The following EDARADD variants were observed in gnomAD, a reference collection of about 807,000 sequenced individuals.
EDARADD encodes EDAR associated via death domain, also known as ectodysplasin-A receptor-associated adapter protein.
In EDARADD, 20 loss-of-function variants were observed where a neutral mutation model predicts 25.6. That is an observed-to-expected ratio of 0.78 (90% CI 0.55 to 1.14). EDARADD has a LOEUF of 1.14. Ranked by LOEUF, EDARADD falls within the 50% of genes most tolerant of loss-of-function variation. The pLI, the probability that EDARADD is intolerant of heterozygous loss-of-function variation, is 0.00. For synonymous variants in EDARADD, 86 were observed against 94.4 expected (o/e 0.91, Z 0.52); for missense variants, 225 against 270.1 (o/e 0.83, Z 1.17).
At chr1:236,381,854 AGGCTG>A (rs1227206820) in intron 3 of EDARADD, among the ~76,000 whole-genome samples, 1 of 90,716 alleles carries the variant, frequency 1.1e-5, no homozygotes, top group Non-Finnish European at 2.0e-5. Flanking sequence ...TATGTTGCTC[AGGCTG>A]GCCTGAAACT....
chr1:236,427,319 T>C, intron 3 of EDARADD, 73 bp from the exon 4 acceptor site: 1 of 1,467,962 alleles, frequency 6.8e-7, no homozygotes, highest in South Asian at 1.2e-5. Flanking sequence ...TAATTTTAGG[T>C]CTTACACCAC....
Position 236,456,145 on chromosome 1 carries a change from G to A in EDARADD, c.220-12086G>A, listed in dbSNP as rs562387407. On this transcript the variant is annotated intron_variant, in intron 4 of 5. Coordinates refer to ENST00000334232, the MANE Select transcript of EDARADD (RefSeq NM_145861.4). Reference sequence around the variant, plus strand: ...CGCCCAGGCTGGCGTGCAGTGGCGCGATCTCTGCTTACTGCAGTCTCCGTC... The same window carrying A: ...CGCCCAGGCTGGCGTGCAGTGGCGCAATCTCTGCTTACTGCAGTCTCCGTC... Among the ~76,000 whole-genome samples, 134 of 152,252 alleles carry A rather than the reference G, an allele frequency of 8.8e-4. 1 individual carries two copies. Among genetic ancestry groups the A allele is most frequent in the African/African-American group, 2.9e-3 (121 of 41,534 alleles).
chr1:236,438,977 T>C (rs1658334866), intron 4 of EDARADD, among the ~76,000 whole-genome samples: 2 of 152,248 alleles, frequency 1.3e-5, no homozygotes, highest in Admixed American at 1.3e-4. Context: ...TTCGCTGCCC[T>C]AAAAATCCTC....
chr1:236,483,427 A>C lies in EDARADD; in HGVS notation c.*778A>C. The C allele has an allele frequency of 8.8e-7, 1 of 1,137,064 alleles. No individual in the cohort carries two copies. The highest frequency in any genetic ancestry group is 1.3e-6 in the Non-Finnish European group (1 of 747,642). 70.4% of individuals were successfully genotyped at this position (1,137,064 alleles called of 1,614,324 possible). ...AAGAAACTGAACGTCACAGAACAAG[A>C]GAAGATTGACAAACTTATGATAGAG... is the stretch of plus-strand genomic sequence containing the variant. On this transcript the variant is annotated 3_prime_UTR_variant, in exon 6 of 6. Coordinates refer to ENST00000334232, the MANE Select transcript of EDARADD (RefSeq NM_145861.4).
At chr1:236,472,031 A>G (rs766574838) in intron 5 of EDARADD, among the ~76,000 whole-genome samples, 1 of 152,158 alleles carries the variant, frequency 6.6e-6, no homozygotes, top group Non-Finnish European at 1.5e-5. Flanking sequence ...TTTTTTTACA[A>G]TTGTTTTAAA....
At chr1:236,472,271 G>T (rs1659378844) in intron 5 of EDARADD, among the ~76,000 whole-genome samples, 1 of 152,094 alleles carries the variant, frequency 6.6e-6, no homozygotes, top group Admixed American at 6.6e-5. Context: ...TCTAATTTTG[G>T]CAGGCGCTCC....
chr1:236,385,740 G>A (rs1667345428), intron 3 of EDARADD, among the ~76,000 whole-genome samples: 2 of 151,800 alleles, frequency 1.3e-5, no homozygotes, highest in African/African-American at 4.8e-5. Context: ...AAAAAAGAAA[G>A]CTCTTCCTTT....
chr1:236,357,745 G>T (rs1409380980), intron 3 of EDARADD, among the ~76,000 whole-genome samples: 3 of 152,014 alleles, frequency 2.0e-5, no homozygotes, highest in Non-Finnish European at 4.4e-5. Flanking sequence ...TGAGGGATCT[G>T]CCCCAGTGAC....
chr1:236,454,430 A>C (rs1365274080), intron 4 of EDARADD, among the ~76,000 whole-genome samples: 2 of 152,078 alleles, frequency 1.3e-5, no homozygotes, highest in African/African-American at 4.8e-5. Flanking sequence ...AGAGAGCTGG[A>C]TTCCTCCTTC....
At chr1:236,429,184 C>CAGAGGGAGAGGG in intron 4 of EDARADD, among the ~76,000 whole-genome samples, 1 of 147,446 alleles carries the variant, frequency 6.8e-6, no homozygotes, top group Admixed American at 6.8e-5. Context: ...GGAGACTGTG[C>CAGAGGGAGAGGG]AGAGGGAGAG....
At chr1:236,414,931 G>C (rs1238815371) in intron 3 of EDARADD, among the ~76,000 whole-genome samples, 14 of 152,176 alleles carry the variant, frequency 9.2e-5, no homozygotes, top group Non-Finnish European at 1.5e-5. Flanking sequence ...CTGCATCCAA[G>C]CATCTAAGTG....
chr1:236,457,147 T>C (rs1429846541), intron 4 of EDARADD, among the ~76,000 whole-genome samples: 6 of 152,230 alleles, frequency 3.9e-5, no homozygotes, highest in Non-Finnish European at 8.8e-5. Flanking sequence ...TGATTTGATG[T>C]GGTCTGTTAA....
At chr1:236,467,449 C>CACACACAT (rs1553270579) in intron 4 of EDARADD, among the ~76,000 whole-genome samples, 90 of 151,568 alleles carry the variant, frequency 5.9e-4, no homozygotes, top group South Asian at 1.3e-3. Flanking sequence ...CACACACACA[C>CACACACAT]ACACACATAC....
chr1:236,349,526 A>T (rs1572104112), intron 2 of EDARADD, among the ~76,000 whole-genome samples: 1 of 148,262 alleles, frequency 6.7e-6, no homozygotes, highest in South Asian at 2.1e-4. Context: ...AGGCGGGACA[A>T]CTCAAAGCGG....
chr1:236,389,693 T>A (rs1244637698), upstream of EDARADD, among the ~76,000 whole-genome samples: 2 of 152,144 alleles, frequency 1.3e-5, no homozygotes, highest in African/African-American at 4.8e-5. Flanking sequence ...GACTCCTGTA[T>A]AATAATGAAT....
intron 3 of EDARADD, among the ~76,000 whole-genome samples, chr1:236,358,500 G>A (rs1419931355): frequency 6.6e-6 from 1 of 152,158 alleles, no homozygotes; most frequent in Non-Finnish European, 1.5e-5. Flanking sequence ...AATTTGATGT[G>A]GGCATTTAGT....
intron 3 of EDARADD, among the ~76,000 whole-genome samples, chr1:236,358,256 T>C (rs626061): frequency 0.5 from 76,333 of 152,154 alleles, 19,889 homozygotes; most frequent in East Asian, 0.84. Context: ...TAAAGACAAT[T>C]CCCTTTGCTC....
chr1:236,437,358 C>T (rs1031138649), intron 4 of EDARADD, among the ~76,000 whole-genome samples: 1 of 152,102 alleles, frequency 6.6e-6, no homozygotes, highest in African/African-American at 2.4e-5. Context: ...TCTTGAATGC[C>T]AGGATGGAAG....
chr1:236,356,069 T>A (rs1666972343), intron 3 of EDARADD, among the ~76,000 whole-genome samples: 1 of 152,174 alleles, frequency 6.6e-6, no homozygotes, highest in Non-Finnish European at 1.5e-5. Flanking sequence ...CTCCTGAGAC[T>A]GGATTTCAGA....
Sources: gnomAD v4.1 joint callset for allele counts (sites outside exome capture counted in the v4.1 genomes callset) on GRCh38, gnomAD v4.1.1 for gene constraint, MANE v1.5 for transcripts, NCBI Gene and HGNC (gene_info 2026-07-23, HGNC 2026-07-21) for gene names.